Variants in EPS15L1 observed in about 807,000 individuals in gnomAD.
EPS15L1 encodes the protein epidermal growth factor receptor substrate 15-like 1.
In EPS15L1, 43 loss-of-function variants were observed where a neutral mutation model predicts 117.1. The ratio of observed to expected loss-of-function variants is 0.37; its 90% CI spans 0.29 to 0.47. The LOEUF (loss-of-function observed/expected upper bound fraction) is 0.47, where lower values mean the gene tolerates loss of function less well. Ranked by LOEUF, EPS15L1 falls within the 20% of genes least tolerant of loss-of-function variation. The probability of loss-of-function intolerance (pLI) is 0.99; values close to 1 mark genes in which losing one functional copy is unlikely to be tolerated. For synonymous variants in EPS15L1, 459 were observed against 470.5 expected (o/e 0.98, Z 0.32); for missense variants, 981 against 1,164.0 (o/e 0.84, Z 2.29).
chr19:16,368,306 A>G (rs969323366), intron 22 of EPS15L1, among the ~76,000 whole-genome samples: 11 of 152,236 alleles, frequency 7.2e-5, no homozygotes, highest in African/African-American at 2.4e-4. Flanking sequence ...GCACACATAC[A>G]ACCATCATTG....
At chr19:16,387,422 T>TAA (rs2092431520) in intron 19 of EPS15L1, among the ~76,000 whole-genome samples, 1 of 152,146 alleles carries the variant, frequency 6.6e-6, no homozygotes, top group African/African-American at 2.4e-5. Flanking sequence ...GCCTGGTCAA[T>TAA]ATGGTAAAAC....
chr19:16,418,201 GAAAAC>G, intron 10 of EPS15L1, 97 bp from the exon 11 acceptor site: 1 of 1,384,906 alleles, frequency 7.2e-7, no homozygotes, highest in Non-Finnish European at 9.9e-7. Flanking sequence ...CGACAGCGAC[GAAAAC>G]AACGGCAGGG....
rs2092984226 is a variant in EPS15L1, at chr19:16,436,972, T to C, written c.337A>G (p.Thr113Ala). 3 of 1,614,124 alleles carry C rather than the reference T, an allele frequency of 1.9e-6. No homozygotes were observed. Among genetic ancestry groups the C allele is most frequent in the Non-Finnish European group, 1.7e-6 (2 of 1,179,974 alleles). ...CAGTGGGCCTCTGCAGAGGGCGGTG[T>C]GACCATCAGAGGGCTGCTGGTGTCG... ...FHDTSSPLMV[T>A]PPSAEAHWAV... The change falls in exon 6 of 24, where the codon ACA becomes GCA. Residue 113 changes from threonine (T) to alanine (A), a missense_variant. Transcript: ENST00000455140.
chr19:16,355,962 G>A (rs749388034), intron 23 of EPS15L1, 111 bp from the exon 24 acceptor site: 51 of 1,331,372 alleles, frequency 3.8e-5, no homozygotes, highest in Middle Eastern at 2.1e-4. Flanking sequence ...ACCGCCCAGC[G>A]GAGGGTCCGA....
intron 13 of EPS15L1, among the ~76,000 whole-genome samples, chr19:16,410,805 C>T (rs976599639): frequency 2.6e-5 from 4 of 151,972 alleles, no homozygotes; most frequent in East Asian, 1.9e-4. Context: ...CCCAGCTACT[C>T]GAGAAGCTGA....
intron 3 of EPS15L1, chr19:16,441,629 C>CAAAA (rs369757727): frequency 1.0e-4 from 9 of 87,160 alleles, no homozygotes; most frequent in South Asian, 3.7e-4. Context: ...AACTCTGTCT[C>CAAAA]AAAAAAAAAA....
At chr19:16,465,879 G>C (rs747429315) in intron 1 of EPS15L1, among the ~76,000 whole-genome samples, 1 of 152,062 alleles carries the variant, frequency 6.6e-6, no homozygotes, top group Non-Finnish European at 1.5e-5. Flanking sequence ...AAGAAACTAT[G>C]GTGCAATGAA....
intron 18 of EPS15L1, among the ~76,000 whole-genome samples, chr19:16,393,648 C>CAAA (rs919891560): frequency 1.2e-5 from 1 of 81,624 alleles, no homozygotes; most frequent in Non-Finnish European, 2.6e-5. Context: ...GACTCCGTCT[C>CAAA]AAAAAAAAAA....
chr19:16,420,019 C>A (rs758362663), intron 10 of EPS15L1, among the ~76,000 whole-genome samples: 1 of 152,238 alleles, frequency 6.6e-6, no homozygotes, highest in African/African-American at 2.4e-5. Context: ...CTGACCCGTA[C>A]GGTGGCAGCC....
intron 1 of EPS15L1, among the ~76,000 whole-genome samples, chr19:16,459,254 C>G (rs1233241360): frequency 6.6e-6 from 1 of 152,130 alleles, no homozygotes; most frequent in African/African-American, 2.4e-5. Flanking sequence ...TAAGATGACC[C>G]TAGGTTCCCC....
chr19:16,444,733 T>TC (rs1321037155), intron 1 of EPS15L1, among the ~76,000 whole-genome samples: 1 of 151,768 alleles, frequency 6.6e-6, no homozygotes, highest in Non-Finnish European at 1.5e-5. Flanking sequence ...ACAAGTTTTT[T>TC]TTTTTTTTTT....
intron 16 of EPS15L1, among the ~76,000 whole-genome samples, chr19:16,399,298 C>T (rs1191738108): frequency 2.0e-5 from 3 of 152,168 alleles, no homozygotes; most frequent in African/African-American, 7.2e-5. Context: ...ACCATCAACT[C>T]TACCCCTTGC....
chr19:16,411,959 A>T (rs1308490888), intron 13 of EPS15L1, among the ~76,000 whole-genome samples: 1 of 152,186 alleles, frequency 6.6e-6, no homozygotes, highest in Admixed American at 6.5e-5. Context: ...TCGGCCTCCC[A>T]AAGTGCTGGG....
At chr19:16,466,836 G>A (rs12972942) in intron 1 of EPS15L1, among the ~76,000 whole-genome samples, 89,175 of 151,090 alleles carry the variant, frequency 0.59, 27,824 homozygotes, top group South Asian at 0.74. Flanking sequence ...CCAGGAGGCA[G>A]AGGTTGCAGT....
intron 10 of EPS15L1, 55 bp downstream of exon 10, chr19:16,421,264 C>T: frequency 1.3e-6 from 2 of 1,558,664 alleles, no homozygotes; most frequent in South Asian, 1.2e-5. Flanking sequence ...ACAGTCTTCA[C>T]CCACAGGCCC....
chr19:16,392,937 G>A (rs758306949), intron 18 of EPS15L1, among the ~76,000 whole-genome samples: 1 of 151,998 alleles, frequency 6.6e-6, no homozygotes, highest in Non-Finnish European at 1.5e-5. Context: ...AGCTACTAAG[G>A]AGGCTGAGGC....
intron 7 of EPS15L1, among the ~76,000 whole-genome samples, chr19:16,431,434 G>A (rs918960747): frequency 1.3e-5 from 2 of 151,270 alleles, no homozygotes; most frequent in Admixed American, 1.3e-4. Flanking sequence ...TTCCCGAGTC[G>A]CTGGGACTAC....
intron 1 of EPS15L1, among the ~76,000 whole-genome samples, chr19:16,444,854 G>A (rs985349475): frequency 2.6e-5 from 4 of 151,822 alleles, no homozygotes; most frequent in African/African-American, 9.7e-5. Flanking sequence ...AGCCTCCCGA[G>A]TAGCTGGGAC....
At position 16,366,042 on chromosome 19, in the gene EPS15L1, G is replaced by A. The variant is rs1340723378; in HGVS notation, c.2381-4058C>T. On this transcript the variant is annotated intron_variant, in intron 22 of 23. Coordinates refer to ENST00000455140, the MANE Select transcript of EPS15L1 (RefSeq NM_001258374.3). Reference sequence around the variant, plus strand: ...ACAGCAATGTTACTGTGCATGCTTGGGTATTTGATTTTTCCTCGAATACCT... The same window carrying A: ...ACAGCAATGTTACTGTGCATGCTTGAGTATTTGATTTTTCCTCGAATACCT... 2.6e-5 allele frequency among the ~76,000 whole-genome samples: 4 copies of A among 152,156 alleles called. No individual in the cohort carries two copies. In the East Asian group the frequency reaches 7.7e-4, roughly 29 times the overall value.
Sources: allele counts gnomAD v4.1 joint callset (sites outside exome capture counted in the v4.1 genomes callset), GRCh38; gene constraint gnomAD v4.1.1; transcripts MANE v1.5; gene names NCBI Gene and HGNC (gene_info 2026-07-23, HGNC 2026-07-21).